The following PTPRM variants were observed in gnomAD, a reference collection of about 807,000 sequenced individuals.
The protein encoded by PTPRM is protein tyrosine phosphatase receptor type M, also known as receptor-type tyrosine-protein phosphatase mu.
In PTPRM, 47 loss-of-function variants were observed where a neutral mutation model predicts 186.7. That is an observed-to-expected ratio of 0.25 (90% CI 0.20 to 0.32). The LOEUF is 0.32. Ranked by LOEUF, PTPRM falls within the 10% of genes least tolerant of loss-of-function variation. The probability of loss-of-function intolerance (pLI) is 1.00; values close to 1 mark genes in which losing one functional copy is unlikely to be tolerated. For synonymous variants in PTPRM, 668 were observed against 674.9 expected (o/e 0.99, Z 0.16); for missense variants, 1,494 against 1,865.0 (o/e 0.80, Z 3.66).
chr18:7,767,218 A>G (rs2042053753), intron 1 of PTPRM, among the ~76,000 whole-genome samples: 1 of 152,212 alleles, frequency 6.6e-6, no homozygotes, highest in South Asian at 2.1e-4. Flanking sequence ...CCTTAAGAAT[A>G]CAAGTAGCAA....
At chr18:7,607,186 C>T (rs1000132497) in intron 1 of PTPRM, among the ~76,000 whole-genome samples, 2 of 152,062 alleles carry the variant, frequency 1.3e-5, no homozygotes, top group African/African-American at 4.8e-5. Context: ...CTCACCAGCT[C>T]CTTAAGGGAG....
At chr18:8,213,046 C>T (rs553582100) in intron 14 of PTPRM, among the ~76,000 whole-genome samples, 8 of 152,244 alleles carry the variant, frequency 5.3e-5, no homozygotes, top group East Asian at 3.9e-4. Flanking sequence ...TGCCAAATAA[C>T]GTGCAGCACT....
intron 2 of PTPRM, among the ~76,000 whole-genome samples, chr18:7,841,384 T>C (rs1432154328): frequency 7.0e-6 from 1 of 143,650 alleles, no homozygotes. Context: ...CTCCGCCTCC[T>C]GGGTTCACGC....
At chr18:7,756,500 A>G (rs2041498287) in intron 1 of PTPRM, among the ~76,000 whole-genome samples, 1 of 152,128 alleles carries the variant, frequency 6.6e-6, no homozygotes, top group South Asian at 2.1e-4. Flanking sequence ...TCAAATCTTT[A>G]CTTAATAAGT....
At chr18:8,113,407 G>A in intron 11 of PTPRM, 79 bp from the exon 12 acceptor site, 4 of 1,324,408 alleles carry the variant, frequency 3.0e-6, no homozygotes, top group Non-Finnish European at 4.2e-6. Flanking sequence ...TGCGTGTCCT[G>A]TGGGTCCATG....
In PTPRM at chr18:8,040,025, A is replaced by G. The variant is rs77447523; in HGVS notation, c.1133-29661A>G. On this transcript the variant is annotated intron_variant, in intron 7 of 32. Coordinates refer to ENST00000580170, the MANE Select transcript of PTPRM (RefSeq NM_001105244.2). ...GAACAAGTTACGGTTAGACATTTCA[A>G]ATATTTTTTGTTCTTGGCTTTACCA... 8.0e-3 allele frequency among the ~76,000 whole-genome samples: 1,218 copies of G among 152,290 alleles called. 15 individuals are homozygous for G. Among genetic ancestry groups the G allele is most frequent in the African/African-American group, 0.028 (1,148 of 41,558 alleles).
intron 11 of PTPRM, among the ~76,000 whole-genome samples, chr18:8,103,989 GATGGCTGT>G (rs1186350455): frequency 1.3e-5 from 2 of 151,840 alleles, no homozygotes; most frequent in Non-Finnish European, 2.9e-5. Context: ...CAGGGAGAGA[GATGGCTGT>G]CTTATATGGA....
chr18:8,276,103 T>G (rs146171485), intron 19 of PTPRM, among the ~76,000 whole-genome samples: 121 of 152,162 alleles, frequency 8.0e-4, no homozygotes, highest in African/African-American at 2.7e-3. Context: ...GTCCTTTAGG[T>G]TGGTTCCACT....
chr18:8,160,342 C>T (rs1406212152), intron 14 of PTPRM, among the ~76,000 whole-genome samples: 1 of 152,108 alleles, frequency 6.6e-6, no homozygotes, highest in Non-Finnish European at 1.5e-5. Context: ...GGCTGGAGCA[C>T]AGTGACACAA....
At chr18:8,191,088 G>T (rs1371445675) in intron 14 of PTPRM, among the ~76,000 whole-genome samples, 3 of 152,180 alleles carry the variant, frequency 2.0e-5, no homozygotes, top group Non-Finnish European at 2.9e-5. Context: ...GGAGGAATGG[G>T]GATGGGCACA....
intron 1 of PTPRM, among the ~76,000 whole-genome samples, chr18:7,621,778 A>T (rs76090917): frequency 2.6e-5 from 4 of 151,976 alleles, no homozygotes; most frequent in Non-Finnish European, 4.4e-5. Context: ...AATTCCCTCC[A>T]TGTCTTTTTG....
intron 11 of PTPRM, among the ~76,000 whole-genome samples, chr18:8,098,990 C>T (rs926439795): frequency 1.3e-5 from 2 of 152,140 alleles, no homozygotes; most frequent in Admixed American, 6.5e-5. Context: ...TCCCTTCCAC[C>T]TGTAAATATT....
chr18:7,628,611 C>A (rs1422790836), intron 1 of PTPRM, among the ~76,000 whole-genome samples: 1 of 152,122 alleles, frequency 6.6e-6, no homozygotes, highest in African/African-American at 2.4e-5. Context: ...AGCTTGAATT[C>A]ATTTTCATCT....
At chr18:7,822,931 A>G (rs2045280032) in intron 2 of PTPRM, among the ~76,000 whole-genome samples, 1 of 152,024 alleles carries the variant, frequency 6.6e-6, no homozygotes, top group African/African-American at 2.4e-5. Context: ...CATTTGTTGT[A>G]TAGTCTCCGT....
In PTPRM at chr18:8,384,568, C is replaced by T. The variant is rs1289123823; in HGVS notation, c.3926C>T (p.Pro1309Leu). The T allele has an allele frequency of 6.2e-7, 1 of 1,614,090 alleles. No individual in the cohort carries two copies. Among genetic ancestry groups the T allele is most frequent in the Admixed American group, 1.7e-5 (1 of 60,012 alleles). Residue 1309 changes from proline (P) to leucine (L), a missense_variant, in exon 30 of 33, where the codon CCA becomes CTA. By Grantham distance (98) the Pro-to-Leu change is moderately conservative (BLOSUM62 -3). Around this residue, in one of 3 missense-constraint regions of PTPRM, gnomAD observed 1,107 missense variants for 1,350.2 expected, o/e 0.82. Coordinates refer to ENST00000580170, the MANE Select transcript of PTPRM (RefSeq NM_001105244.2). ...LNDVDPAQLC[P>L]QYWPENGVHR... ...TATATGTTTTGAATTCAGTTGTGTC[C>T]ACAGTACTGGCCAGAAAACGGAGTA...
intron 2 of PTPRM, among the ~76,000 whole-genome samples, chr18:7,878,190 T>C (rs2048335577): frequency 6.6e-6 from 1 of 152,234 alleles, no homozygotes; most frequent in South Asian, 2.1e-4. Flanking sequence ...AGATTGCTTT[T>C]TCATATTATT....
intron 1 of PTPRM, among the ~76,000 whole-genome samples, chr18:7,590,490 G>C (rs2037097467): frequency 6.6e-6 from 1 of 152,094 alleles, no homozygotes; most frequent in African/African-American, 2.4e-5. Context: ...TGTCTCCTGA[G>C]GAAATAAGAG....
intron 14 of PTPRM, among the ~76,000 whole-genome samples, chr18:8,163,201 A>AT (rs1394124270): frequency 6.6e-6 from 1 of 152,174 alleles, no homozygotes; most frequent in Non-Finnish European, 1.5e-5. Flanking sequence ...CAACCTATTC[A>AT]TTTGAATCTC....
intron 1 of PTPRM, among the ~76,000 whole-genome samples, chr18:7,656,975 A>T (rs1278128598): frequency 6.6e-6 from 1 of 152,074 alleles, no homozygotes; most frequent in Non-Finnish European, 1.5e-5. Context: ...ATGTGTAGGA[A>T]GCAGAGGTAT....
Sources: gnomAD v4.1 joint callset for allele counts (sites outside exome capture counted in the v4.1 genomes callset) on GRCh38, gnomAD v4.1.1 for gene constraint, gnomAD v4.1.1 regional missense constraint, MANE v1.5 for transcripts, NCBI Gene and HGNC (gene_info 2026-07-23, HGNC 2026-07-21) for gene names.